STPG2: variants seen among roughly 807,000 people sequenced by gnomAD.
STPG2 encodes the protein sperm-tail PG-rich repeat-containing protein 2.
Under a neutral mutation model 54.2 loss-of-function variants are expected in STPG2, and 56 were observed. The ratio of observed to expected loss-of-function variants is 1.03; its 90% confidence interval spans 0.83 to 1.29. The LOEUF (loss-of-function observed/expected upper bound fraction) is 1.29, where lower values mean the gene tolerates loss of function less well. STPG2 is among the 50% of genes most tolerant of loss of function. The pLI, the probability that STPG2 is intolerant of heterozygous loss-of-function variation, is 0.00. For missense variants in STPG2, 596 were observed against 544.9 expected (o/e 1.09, Z -0.93); for synonymous variants, 200 against 181.8 (o/e 1.10, Z -0.81).
chr4:98,010,922 C>CA (rs1337450339), intron 5 of STPG2, among the ~76,000 whole-genome samples: 1 of 151,968 alleles, frequency 6.6e-6, no homozygotes, highest in Non-Finnish European at 1.5e-5. Context: ...GTTATCCTAC[C>CA]CCCACATTTT....
intron 8 of STPG2, among the ~76,000 whole-genome samples, chr4:97,920,666 T>TAA (rs1732064892): frequency 6.7e-6 from 1 of 149,984 alleles, no homozygotes; most frequent in Non-Finnish European, 1.5e-5. Context: ...TTCCAACAAA[T>TAA]AAAGAACCCT....
chr4:98,042,737 GGAAGT>G (rs1302978130), intron 5 of STPG2, among the ~76,000 whole-genome samples: 2 of 151,756 alleles, frequency 1.3e-5, no homozygotes, highest in Admixed American at 1.3e-4. Context: ...AATCTATCTT[GGAAGT>G]GTTCCATGTG....
chr4:97,738,882 T>G (rs1352034636), intron 9 of STPG2, among the ~76,000 whole-genome samples: 6 of 151,918 alleles, frequency 3.9e-5, no homozygotes, highest in African/African-American at 7.3e-5. Context: ...TCTACAGAAC[T>G]CTCCACCCCA....
At chr4:97,652,235 A>G (rs1284394133) in intron 10 of STPG2, among the ~76,000 whole-genome samples, 1 of 151,954 alleles carries the variant, frequency 6.6e-6, no homozygotes. Flanking sequence ...GACAGTTAAA[A>G]GTGCTAGCAT....
At chr4:97,586,743 A>C (rs1022961779) in intron 10 of STPG2, among the ~76,000 whole-genome samples, 1 of 151,940 alleles carries the variant, frequency 6.6e-6, no homozygotes, top group Non-Finnish European at 1.5e-5. Flanking sequence ...TCAGGAATCA[A>C]GGGGAACTAA....
At chr4:97,488,861 CTG>C (rs1730435635) in intron 4 of STPG2, among the ~76,000 whole-genome samples, 1 of 151,670 alleles carries the variant, frequency 6.6e-6, no homozygotes, top group Non-Finnish European at 1.5e-5. Flanking sequence ...AAGTCAGAAA[CTG>C]TGATAGGTCT....
intron 10 of STPG2, among the ~76,000 whole-genome samples, chr4:97,632,105 C>A (rs1440074993): frequency 1.3e-5 from 2 of 151,954 alleles, no homozygotes; most frequent in Admixed American, 6.6e-5. Flanking sequence ...AGAATAAAAT[C>A]TCTCTTTCCT....
intron 7 of STPG2, among the ~76,000 whole-genome samples, chr4:97,953,877 A>G (rs1002517777): frequency 6.6e-6 from 1 of 152,244 alleles, no homozygotes; most frequent in African/African-American, 2.4e-5. Context: ...ATTGCTTCTC[A>G]GAAAAAAAGT....
chr4:97,941,854 G>A (rs1290588159), intron 8 of STPG2, among the ~76,000 whole-genome samples: 2 of 151,890 alleles, frequency 1.3e-5, no homozygotes, highest in Non-Finnish European at 2.9e-5. Context: ...ATTTGCAAAA[G>A]AGATTTAAAA....
intron 4 of STPG2, among the ~76,000 whole-genome samples, chr4:97,447,820 C>A (rs1382072714): frequency 6.6e-6 from 1 of 152,140 alleles, no homozygotes; most frequent in Non-Finnish European, 1.5e-5. Flanking sequence ...GGTTGGAGCC[C>A]CCTCACAGAG....
chr4:97,820,602 A>G (rs1728054902), intron 9 of STPG2, among the ~76,000 whole-genome samples: 1 of 152,226 alleles, frequency 6.6e-6, no homozygotes, highest in African/African-American at 2.4e-5. Flanking sequence ...ATTGCTATAA[A>G]AATATACCTG....
At chr4:97,862,019 G>A (rs960659868) in intron 8 of STPG2, among the ~76,000 whole-genome samples, 25 of 151,944 alleles carry the variant, frequency 1.6e-4, no homozygotes, top group Admixed American at 2.0e-4. Context: ...ATCAACTAAC[G>A]AGCAAAATAA....
chr4:98,110,758 A>C (rs1028977498), intron 3 of STPG2, among the ~76,000 whole-genome samples: 1 of 152,006 alleles, frequency 6.6e-6, no homozygotes, highest in Non-Finnish European at 1.5e-5. Context: ...TCTTATGAGG[A>C]GGCAAGAATT....
At chr4:98,111,082 G>A (rs1739334210) in intron 3 of STPG2, among the ~76,000 whole-genome samples, 1 of 151,708 alleles carries the variant, frequency 6.6e-6, no homozygotes, top group African/African-American at 2.4e-5. Context: ...ACCAGAAAAG[G>A]ACCTCATTAC....
intron 4 of STPG2, among the ~76,000 whole-genome samples, chr4:97,549,281 G>C (rs1365891206): frequency 6.6e-6 from 1 of 152,140 alleles, no homozygotes; most frequent in Non-Finnish European, 1.5e-5. Context: ...TAATTCTCTA[G>C]CCTGTTGCCT....
At chr4:97,464,559 G>T (rs563537983) in intron 4 of STPG2, among the ~76,000 whole-genome samples, 1 of 152,182 alleles carries the variant, frequency 6.6e-6, no homozygotes, top group South Asian at 2.1e-4. Flanking sequence ...TGGAATTACA[G>T]GTGCACACCA....
intron 5 of STPG2, among the ~76,000 whole-genome samples, chr4:97,984,630 C>G (rs1258192751): frequency 6.6e-6 from 1 of 152,166 alleles, no homozygotes; most frequent in Non-Finnish European, 1.5e-5. Context: ...TAGTTTTTAA[C>G]TTTTCCCATT....
At chr4:97,486,740 G>T (rs994358428) in intron 4 of STPG2, among the ~76,000 whole-genome samples, 3 of 150,834 alleles carry the variant, frequency 2.0e-5, no homozygotes, top group African/African-American at 7.3e-5. Flanking sequence ...AGCACAATTC[G>T]CAATTGCAAA....
intron 5 of STPG2, among the ~76,000 whole-genome samples, chr4:98,074,421 A>T (rs746417231): frequency 1.3e-5 from 2 of 152,102 alleles, no homozygotes; most frequent in Non-Finnish European, 2.9e-5. Flanking sequence ...TTTTGTATTT[A>T]TCCTGCTTAA....
Sources: allele counts gnomAD v4.1 joint callset (sites outside exome capture counted in the v4.1 genomes callset), GRCh38; gene constraint gnomAD v4.1.1; transcripts MANE v1.5; gene names NCBI Gene and HGNC (gene_info 2026-07-23, HGNC 2026-07-21).